Variants in DYNC2H1 observed in about 807,000 individuals in gnomAD.
The protein encoded by DYNC2H1 is cytoplasmic dynein 2 heavy chain 1.
DYNC2H1 carries 410 observed loss-of-function variants against 570.0 expected under a neutral mutation model. That is an observed-to-expected ratio of 0.72 (90% confidence interval 0.66 to 0.78). The LOEUF (loss-of-function observed/expected upper bound fraction) is 0.78. Ranked by LOEUF, DYNC2H1 falls within the 30% of genes least tolerant of loss-of-function variation. The pLI, the probability that DYNC2H1 is intolerant of heterozygous loss-of-function variation, is 0.00. For synonymous variants in DYNC2H1, 1,688 were observed against 1,677.6 expected (o/e 1.01, Z -0.15); for missense variants, 4,865 against 5,046.4 (o/e 0.96, Z 1.09).
chr11:103,337,822 G>C (rs988942543), intron 82 of DYNC2H1, among the ~76,000 whole-genome samples: 1 of 152,086 alleles, frequency 6.6e-6, no homozygotes, highest in East Asian at 1.9e-4. Context: ...ATTTTCTCCT[G>C]TTCTTCAGAT....
At chr11:103,430,704 T>G (rs1337034886) in intron 84 of DYNC2H1, among the ~76,000 whole-genome samples, 1 of 148,064 alleles carries the variant, frequency 6.8e-6, no homozygotes, top group Admixed American at 6.8e-5. Context: ...CTGTCATGTC[T>G]TATTAATGCT....
chr11:103,388,905 C>T (rs929478450), intron 83 of DYNC2H1, among the ~76,000 whole-genome samples: 3 of 152,090 alleles, frequency 2.0e-5, no homozygotes, highest in Admixed American at 2.0e-4. Flanking sequence ...TTTGGTTTGC[C>T]AGTATTTTAT....
chr11:103,273,768 C>T (rs1865799778), intron 70 of DYNC2H1, among the ~76,000 whole-genome samples: 1 of 152,066 alleles, frequency 6.6e-6, no homozygotes, highest in Admixed American at 6.6e-5. Context: ...TCTGAGGTCA[C>T]ATGGAAACCC....
At chr11:103,191,279 C>T (rs1234819633) in intron 45 of DYNC2H1, among the ~76,000 whole-genome samples, 1 of 151,944 alleles carries the variant, frequency 6.6e-6, no homozygotes, top group African/African-American at 2.4e-5. Flanking sequence ...ACCTCGTGAT[C>T]TGCCCCCACT....
At chr11:103,458,243 C>G (rs961113766) in intron 87 of DYNC2H1, among the ~76,000 whole-genome samples, 1 of 152,074 alleles carries the variant, frequency 6.6e-6, no homozygotes, top group African/African-American at 2.4e-5. Flanking sequence ...ACCATGTGTT[C>G]CAGTTGCCTA....
intron 60 of DYNC2H1, 36 bp from the exon 61 acceptor site, chr11:103,233,998 C>G (rs551103255): frequency 5.2e-6 from 8 of 1,537,512 alleles, no homozygotes; most frequent in East Asian, 2.5e-5. Flanking sequence ...CTCCCAAATC[C>G]TTTTTGCTTT....
intron 21 of DYNC2H1, 127 bp from the exon 22 acceptor site, chr11:103,153,176 C>A: frequency 1.3e-6 from 1 of 742,728 alleles, no homozygotes; most frequent in Non-Finnish European, 2.1e-6. Context: ...AACAACCATC[C>A]TTTGAAAAGT....
rs746793309 is a variant in DYNC2H1 at position 103,147,863 on chromosome 11, C to A, written c.2794C>A (p.Leu932Ile). 6.2e-7 allele frequency: 1 copy of A among 1,610,264 alleles called. No homozygotes were observed. The highest frequency in any genetic ancestry group is 1.1e-5 in the South Asian group (1 of 90,700). Residue 932 changes from leucine (L) to isoleucine (I), a missense_variant, in exon 19 of 89, where the codon CTT becomes ATT. Physicochemically the swap from Leu to Ile is conservative, Grantham distance 5 (BLOSUM62 2). Transcript: ENST00000375735. ...LIQKLFDLLV[L>I]SLKKSIQAHL... ...CCAGAAGTTATTTGATCTGCTTGTT[C>A]TTTCTTTGAAGAAGTCCATACAGGG...
intron 82 of DYNC2H1, among the ~76,000 whole-genome samples, chr11:103,339,951 A>T (rs985455206): frequency 2.6e-5 from 4 of 152,174 alleles, no homozygotes; most frequent in African/African-American, 9.7e-5. Flanking sequence ...GGCAGCACTG[A>T]GTTCCAATGC....
At chr11:103,335,757 TATG>T (rs1939088594) in intron 82 of DYNC2H1, among the ~76,000 whole-genome samples, 3 of 152,160 alleles carry the variant, frequency 2.0e-5, no homozygotes, top group African/African-American at 7.2e-5. Context: ...AACCTGTGTT[TATG>T]ATGATGATAA....
intron 69 of DYNC2H1, among the ~76,000 whole-genome samples, chr11:103,259,226 G>T (rs974825000): frequency 2.0e-5 from 3 of 152,086 alleles, no homozygotes; most frequent in Non-Finnish European, 4.4e-5. Context: ...GCTCTGAGAT[G>T]TAAAACTTAC....
intron 88 of DYNC2H1, among the ~76,000 whole-genome samples, chr11:103,476,962 G>T (rs1945571825): frequency 6.6e-6 from 1 of 152,104 alleles, no homozygotes; most frequent in African/African-American, 2.4e-5. Flanking sequence ...ATAAGGAAAA[G>T]GCAGTCCAAA....
intron 50 of DYNC2H1, 122 bp downstream of exon 50, chr11:103,200,276 G>A: frequency 1.5e-6 from 1 of 679,876 alleles, no homozygotes; most frequent in Non-Finnish European, 2.5e-6. Context: ...TTACTTAGGA[G>A]ACATGGTGTT....
chr11:103,422,337 T>C (rs945302556), intron 84 of DYNC2H1, among the ~76,000 whole-genome samples: 2 of 152,106 alleles, frequency 1.3e-5, no homozygotes, highest in African/African-American at 2.4e-5. Context: ...CCTAACTTAT[T>C]CTATAAAGCC....
At position 103,118,249 on chromosome 11, in the gene DYNC2H1, CAT is replaced by C. The variant is rs1858517130; in HGVS notation, c.999+391_999+392del. On this transcript the variant is annotated intron_variant, in intron 6 of 88. Coordinates refer to ENST00000375735, the MANE Select transcript of DYNC2H1 (RefSeq NM_001377.3). ...ACAAGTTATGAGTTTCAGTAAAGAA[CAT>C]ATATTCAGCTTACAGGGACAGGCAA... Among the ~76,000 whole-genome samples, 2 of 151,700 alleles carry C rather than the reference CAT, an allele frequency of 1.3e-5. 1 individual carries two copies. The highest frequency in any genetic ancestry group is 4.2e-4 in the South Asian group (2 of 4,812).
chr11:103,212,037 G>A (rs1218061346), intron 54 of DYNC2H1, 94 bp downstream of exon 54: 1 of 1,265,780 alleles, frequency 7.9e-7, no homozygotes, highest in African/African-American at 1.5e-5. Context: ...CATATATCTG[G>A]TATTAATAAA....
At chr11:103,399,327 T>G (rs112563463) in intron 83 of DYNC2H1, among the ~76,000 whole-genome samples, 113 of 136,348 alleles carry the variant, frequency 8.3e-4, no homozygotes, top group East Asian at 8.6e-4. Context: ...TTTTTTTTTT[T>G]GTATTTTTAG....
intron 87 of DYNC2H1, among the ~76,000 whole-genome samples, chr11:103,466,013 C>G (rs1351393641): frequency 6.6e-6 from 1 of 152,150 alleles, no homozygotes; most frequent in Non-Finnish European, 1.5e-5. Flanking sequence ...ATATTTTTCA[C>G]TGTGTCACAC....
Position 103,201,599 on chromosome 11 carries a change from T to C in DYNC2H1, c.8197+1445T>C, listed in dbSNP as rs1236824323. Among the ~76,000 whole-genome samples, 2 of 152,150 alleles carry C rather than the reference T, an allele frequency of 1.3e-5. No homozygotes were observed. Among genetic ancestry groups the C allele is most frequent in the Non-Finnish European group, 2.9e-5 (2 of 68,030 alleles). The stretch of plus-strand genomic sequence containing the variant: ...GGGAGTATCATTTGGCTATTGTGAC[T>C]CCCTAATTGAGTCTCTGCAACCTGA... On this transcript the variant is annotated intron_variant, in intron 50 of 88. Coordinates refer to ENST00000375735, the MANE Select transcript of DYNC2H1 (RefSeq NM_001377.3). This position sits in a 1 kb window ranked among gnomAD's most constrained non-coding sequence, Gnocchi z 4.8.
Sources: allele counts gnomAD v4.1 joint callset (sites outside exome capture counted in the v4.1 genomes callset), GRCh38; gene constraint gnomAD v4.1.1; non-coding constraint Gnocchi (gnomAD v3.1); transcripts MANE v1.5; gene names NCBI Gene and HGNC (gene_info 2026-07-23, HGNC 2026-07-21).